Variants in TOP6BL observed in about 807,000 individuals in gnomAD.
TOP6BL encodes TOP6B like initiator of meiotic double strand breaks, also known as type 2 DNA topoisomerase 6 subunit B-like.
the TOP6BL span, chr11:66,814,125 G>T: frequency 8.1e-7 from 1 of 1,234,000 alleles, no homozygotes. Flanking sequence ...GAGATCTGAT[G>T]GCCCAGGTTG....
chr11:66,772,291 A>C, the TOP6BL span, among the ~76,000 whole-genome samples: 1 of 152,200 alleles, frequency 6.6e-6, no homozygotes, highest in South Asian at 2.1e-4. Flanking sequence ...AAACATAGCA[A>C]GGCCCCATAT....
At chr11:66,776,404 TA>T in the TOP6BL span, among the ~76,000 whole-genome samples, 1 of 152,146 alleles carries the variant, frequency 6.6e-6, no homozygotes, top group East Asian at 1.9e-4. Context: ...AATAGAATAG[TA>T]CTAGTATTAA....
At chr11:66,834,701 C>T in the TOP6BL span, among the ~76,000 whole-genome samples, 2 of 152,084 alleles carry the variant, frequency 1.3e-5, no homozygotes, top group Non-Finnish European at 1.5e-5. Flanking sequence ...AACAGGTTCC[C>T]GCTATGTTGC....
the TOP6BL span, chr11:66,756,542 G>C: frequency 9.9e-7 from 1 of 1,009,168 alleles, no homozygotes. Context: ...ATCCTATCCA[G>C]CCCTCAATTT....
the TOP6BL span, chr11:66,748,433 G>A: frequency 6.5e-7 from 1 of 1,547,948 alleles, no homozygotes; most frequent in African/African-American, 1.4e-5. Context: ...ATCAAAGGGA[G>A]CATTGCTAGA....
chr11:66,800,546 T>A, the TOP6BL span: 2 of 946,438 alleles, frequency 2.1e-6, no homozygotes, highest in Non-Finnish European at 3.1e-6. Context: ...TAAAATTTTT[T>A]AAGCTTATTC....
At chr11:66,762,210 G>A in the TOP6BL span, 3 of 661,382 alleles carry the variant, frequency 4.5e-6, no homozygotes, top group African/African-American at 1.8e-5. Context: ...ACAGCCGGAG[G>A]TGCAGGGCCC....
At chr11:66,748,952 A>G in the TOP6BL span, among the ~76,000 whole-genome samples, 1 of 150,920 alleles carries the variant, frequency 6.6e-6, no homozygotes, top group Non-Finnish European at 1.5e-5. Flanking sequence ...TTTGGCTTTC[A>G]TGCTTTTATC....
At chr11:66,745,541 C>T in the TOP6BL span, among the ~76,000 whole-genome samples, 2 of 152,240 alleles carry the variant, frequency 1.3e-5, no homozygotes, top group Non-Finnish European at 2.9e-5. Context: ...TCATTACCCA[C>T]TTTCACGGCC....
At chr11:66,843,474 G>C in the TOP6BL span, 1 of 1,443,450 alleles carries the variant, frequency 6.9e-7, no homozygotes, top group South Asian at 1.4e-5. Flanking sequence ...GCTGGGCGGG[G>C]ATGGGCTGCG....
At chr11:66,803,446 C>T in the TOP6BL span, among the ~76,000 whole-genome samples, 2 of 151,972 alleles carry the variant, frequency 1.3e-5, no homozygotes, top group Non-Finnish European at 2.9e-5. Flanking sequence ...AATTATTTTT[C>T]GAGACAAAGT....
At chr11:66,748,352 GT>G in the TOP6BL span, 8 of 1,490,962 alleles carry the variant, frequency 5.4e-6, no homozygotes, top group Non-Finnish European at 7.3e-6. Flanking sequence ...AGAAGATTAT[GT>G]TTTCTTTGAA....
the TOP6BL span, among the ~76,000 whole-genome samples, chr11:66,794,410 G>C: frequency 1.3e-5 from 2 of 152,120 alleles, no homozygotes; most frequent in Non-Finnish European, 2.9e-5. Context: ...TAGGTAAGTG[G>C]TTAATGCTAA....
chr11:66,823,085 G>A, the TOP6BL span, among the ~76,000 whole-genome samples: 3 of 151,706 alleles, frequency 2.0e-5, no homozygotes, highest in East Asian at 1.9e-4. Context: ...ACCTGAGGTC[G>A]GGAGTTTGAG....
At chr11:66,808,775 TAAAAC>T in the TOP6BL span, among the ~76,000 whole-genome samples, 20 of 151,966 alleles carry the variant, frequency 1.3e-4, no homozygotes, top group Non-Finnish European at 1.8e-4. Flanking sequence ...TTAGCAAAAA[TAAAAC>T]AAAGAGACAA....
chr11:66,843,013 G>T, the TOP6BL span: 2 of 1,552,714 alleles, frequency 1.3e-6, no homozygotes, highest in East Asian at 2.4e-5. Flanking sequence ...GGAGCACCGC[G>T]AGGCTCACGG....
At chr11:66,841,110 ATTTTTTTT>A in the TOP6BL span, among the ~76,000 whole-genome samples, 2 of 84,628 alleles carry the variant, frequency 2.4e-5, no homozygotes, top group South Asian at 7.7e-4. Flanking sequence ...GAGGCCTCTC[ATTTTTTTT>A]TTTTTTTTTT....
the TOP6BL span, among the ~76,000 whole-genome samples, chr11:66,814,344 C>T: frequency 1.3e-5 from 2 of 152,046 alleles, no homozygotes; most frequent in Non-Finnish European, 2.9e-5. Context: ...CTGCAACCTC[C>T]GCCTCCCGGG....
the TOP6BL span, among the ~76,000 whole-genome samples, chr11:66,767,263 C>T: frequency 1.3e-5 from 2 of 152,138 alleles, no homozygotes; most frequent in Non-Finnish European, 2.9e-5. Context: ...TACTTATCTA[C>T]TTAGGTATAA....
Sources: gnomAD v4.1 joint callset for allele counts (sites outside exome capture counted in the v4.1 genomes callset) on GRCh38, gnomAD v4.1.1 for gene constraint, MANE v1.5 for transcripts, NCBI Gene and HGNC (gene_info 2026-07-23, HGNC 2026-07-21) for gene names.